SH3BP2: variants seen among roughly 807,000 people sequenced by gnomAD.
SH3BP2 encodes SH3 domain binding protein 2, also known as SH3 domain-binding protein 2.
In SH3BP2, 38 loss-of-function variants were observed where a neutral mutation model predicts 56.2. That is an observed-to-expected ratio of 0.68 (90% CI 0.52 to 0.89). SH3BP2 has a LOEUF of 0.89. Among genes scored for constraint, SH3BP2 ranks in the 40% least tolerant of loss-of-function variants. The probability of loss-of-function intolerance (pLI) is 0.00; values close to 1 mark genes in which losing one functional copy is unlikely to be tolerated. For missense variants in SH3BP2, 748 were observed against 762.6 expected, an observed-to-expected ratio of 0.98 and a Z score of 0.23; for synonymous variants, 346 against 316.7, an observed-to-expected ratio of 1.09 and a Z score of -0.98.
intron 5 of SH3BP2, chr4:2,826,565 C>A (rs1243715422): frequency 4.6e-6 from 1 of 217,626 alleles, no homozygotes. Context: ...TGCATGTCTG[C>A]ATGTTGCTCT....
chr4:2,797,731 G>A (rs1723109295), intron 1 of SH3BP2, among the ~76,000 whole-genome samples: 1 of 152,128 alleles, frequency 6.6e-6, no homozygotes, highest in South Asian at 2.1e-4. Flanking sequence ...TGGGAACTCA[G>A]GAAGGTCAGG....
intron 11 of SH3BP2, among the ~76,000 whole-genome samples, chr4:2,832,739 G>A (rs2108742542): frequency 6.6e-6 from 1 of 152,334 alleles, no homozygotes; most frequent in Middle Eastern, 3.4e-3. Context: ...TGACCTCACT[G>A]AGCCATGCTC....
chr4:2,800,252 C>T (rs997559569), intron 1 of SH3BP2, among the ~76,000 whole-genome samples: 3 of 152,150 alleles, frequency 2.0e-5, no homozygotes, highest in Non-Finnish European at 4.4e-5. Flanking sequence ...AGTCTCCCTC[C>T]TCCTTGGCTG....
chr4:2,823,923 G>A (rs1245677475), intron 3 of SH3BP2, among the ~76,000 whole-genome samples: 2 of 152,216 alleles, frequency 1.3e-5, no homozygotes, highest in Non-Finnish European at 2.9e-5. Context: ...GGGGTCCCCT[G>A]GGGAAGGTCG....
chr4:2,831,152 T>A lies in SH3BP2; in HGVS notation c.1242-419T>A, dbSNP rs562990450. 3.3e-4 allele frequency among the ~76,000 whole-genome samples: 50 copies of A among 152,298 alleles called. No homozygotes were observed. The highest frequency in any genetic ancestry group is 5.6e-4 in the Non-Finnish European group (38 of 68,008). ...GACCGGCTAGCCACACAGGGAGGCG[T>A]GCAGGGACGCCATGGGCGTCCTTTG... On this transcript the variant is annotated intron_variant, in intron 8 of 12. Transcript: ENST00000503393. This position sits in a 1 kb window ranked among gnomAD's most constrained non-coding sequence, Gnocchi z 4.1.
intron 1 of SH3BP2, chr4:2,818,600 C>A: frequency 1.7e-6 from 1 of 572,914 alleles, no homozygotes; most frequent in Non-Finnish European, 2.3e-6. Flanking sequence ...GATCTGCGGG[C>A]AGCTCCCCGC....
At chr4:2,802,614 G>A (rs1560096118) in intron 1 of SH3BP2, among the ~76,000 whole-genome samples, 2 of 146,316 alleles carry the variant, frequency 1.4e-5, no homozygotes, top group South Asian at 2.2e-4. Context: ...GTATATATGT[G>A]TATATATGTG....
chr4:2,802,712 TAC>T (rs1247512327), intron 1 of SH3BP2, among the ~76,000 whole-genome samples: 26 of 138,946 alleles, frequency 1.9e-4, no homozygotes, highest in African/African-American at 7.1e-4. Context: ...TATATCTATA[TAC>T]ACACACACAC....
At chr4:2,794,482 G>C (rs902014583) in intron 1 of SH3BP2, among the ~76,000 whole-genome samples, 1 of 152,176 alleles carries the variant, frequency 6.6e-6, no homozygotes, top group Non-Finnish European at 1.5e-5. Flanking sequence ...GGCCTGGGAC[G>C]AGGGCTGCAA....
In SH3BP2 at chr4:2,840,045, C is replaced by T. The variant is rs61791177; in HGVS notation, c.*6211C>T. 0.056 allele frequency: 8,506 copies of T among 151,608 alleles called. 356 individuals carry two copies. The highest frequency in any genetic ancestry group is 0.14 in the Middle Eastern group (41 of 294). 9.4% of individuals were successfully genotyped at this position (151,608 alleles called of 1,614,324 possible). A position where few individuals can be genotyped will look rare whatever the true frequency, so the allele number is the denominator to read the frequency against. ...TTTGAGACCAACCTGGACAACATGG[C>T]GAAACACCATCTCTACAAAAAATAC... On this transcript the variant is annotated 3_prime_UTR_variant, in exon 13 of 13. Coordinates refer to ENST00000503393, the MANE Select transcript of SH3BP2 (RefSeq NM_001122681.2).
intron 1 of SH3BP2, among the ~76,000 whole-genome samples, chr4:2,811,614 C>G (rs538344833): frequency 6.6e-6 from 1 of 152,180 alleles, no homozygotes; most frequent in Admixed American, 6.5e-5. Context: ...GGGCAGGGGC[C>G]GGTGAGTACG....
chr4:2,818,482 G>A (rs1724114975), intron 1 of SH3BP2: 2 of 696,990 alleles, frequency 2.9e-6, no homozygotes, highest in African/African-American at 3.9e-5. Flanking sequence ...GACCAGGGCC[G>A]CGAGCCCCGG....
At chr4:2,805,450 C>G (rs1441915323) in intron 1 of SH3BP2, among the ~76,000 whole-genome samples, 1 of 152,128 alleles carries the variant, frequency 6.6e-6, no homozygotes, top group Non-Finnish European at 1.5e-5. Flanking sequence ...TAATTCAGCA[C>G]ATGAGCCCAT....
intron 1 of SH3BP2, among the ~76,000 whole-genome samples, chr4:2,795,608 C>T (rs977644394): frequency 6.6e-6 from 1 of 152,166 alleles, no homozygotes; most frequent in Non-Finnish European, 1.5e-5. Context: ...TGTCCTACCC[C>T]AGACGCAGTG....
intron 12 of SH3BP2, 87 bp from the exon 13 acceptor site, chr4:2,833,610 T>G: frequency 6.5e-7 from 1 of 1,529,008 alleles, no homozygotes. Context: ...TTGATGCTGC[T>G]GCCTTGTTTT....
At chr4:2,833,177 C>G (rs1032487112) in intron 12 of SH3BP2, 128 bp downstream of exon 12, 50 of 827,300 alleles carry the variant, frequency 6.0e-5, no homozygotes, top group Middle Eastern at 2.9e-4. Flanking sequence ...CCGCCCTCCC[C>G]TTCCCCTCCA....
chr4:2,814,487 AATGTGC>A (rs1723905096), intron 1 of SH3BP2, among the ~76,000 whole-genome samples: 1 of 150,056 alleles, frequency 6.7e-6, no homozygotes, highest in African/African-American at 2.5e-5. Context: ...CGTCTTCCCT[AATGTGC>A]ATGTGCACAC....
intron 1 of SH3BP2, among the ~76,000 whole-genome samples, chr4:2,804,394 C>T (rs371890079): frequency 1.7e-4 from 26 of 152,206 alleles, no homozygotes; most frequent in African/African-American, 5.8e-4. Flanking sequence ...TCAAGGGAAC[C>T]AGCAGCATTG....
intron 10 of SH3BP2, 40 bp downstream of exon 10, chr4:2,832,018 G>T: frequency 6.2e-7 from 1 of 1,601,492 alleles, no homozygotes. Flanking sequence ...CCTCCGCCAT[G>T]CCCGGCTTCC....
Sources: gnomAD v4.1 joint callset for allele counts (sites outside exome capture counted in the v4.1 genomes callset) on GRCh38, gnomAD v4.1.1 for gene constraint, Gnocchi (gnomAD v3.1) non-coding constraint, MANE v1.5 for transcripts, NCBI Gene and HGNC (gene_info 2026-07-23, HGNC 2026-07-21) for gene names.